MYCBP2: variants seen among roughly 807,000 people sequenced by gnomAD.
The protein encoded by MYCBP2 is MYC binding protein 2.
Under a neutral mutation model 525.3 loss-of-function variants are expected in MYCBP2, and 120 were observed. That is an observed-to-expected ratio of 0.23 (90% CI 0.20 to 0.27). The LOEUF (loss-of-function observed/expected upper bound fraction) is 0.27, where lower values mean the gene tolerates loss of function less well. Ranked by LOEUF, MYCBP2 falls within the 10% of genes least tolerant of loss-of-function variation. The pLI, the probability that MYCBP2 is intolerant of heterozygous loss-of-function variation, is 1.00. For synonymous variants in MYCBP2, 1,894 were observed against 1,955.8 expected (o/e 0.97, Z 0.83); for missense variants, 4,149 against 5,657.1 (o/e 0.73, Z 8.55).
intron 52 of MYCBP2, among the ~76,000 whole-genome samples, chr13:77,129,977 ATGTTT>A (rs2052460190): frequency 6.6e-6 from 1 of 151,914 alleles, no homozygotes; most frequent in African/African-American, 2.4e-5. Flanking sequence ...AAGTCTAAAA[ATGTTT>A]TGTTAAGGAA....
intron 58 of MYCBP2, among the ~76,000 whole-genome samples, chr13:77,093,604 C>T (rs1280862951): frequency 6.6e-6 from 1 of 152,068 alleles, no homozygotes; most frequent in Non-Finnish European, 1.5e-5. Context: ...GTGAATAAGC[C>T]CACCAACCAT....
At chr13:77,174,899 C>CTATATATATAAAATATATATTA (rs2059467069) in intron 36 of MYCBP2, among the ~76,000 whole-genome samples, 1 of 964 alleles carries the variant, frequency 1.0e-3, no homozygotes, top group African/African-American at 2.9e-3. Flanking sequence ...ATTAGCCATA[C>CTATATATATAAAATATATATTA]TATATATATA....
Position 77,051,875 on chromosome 13 carries a change from C to T in MYCBP2, c.13691G>A (p.Arg4564Gln), listed in dbSNP as rs542069034. 3.1e-6 allele frequency: 5 copies of T among 1,614,026 alleles called. No homozygotes were observed. The East Asian group carries it at 6.7e-5, about 22-fold the overall frequency. Reference protein sequence around the residue: ...GEARCDAEAGRGDDYDPRELI... With the variant: ...GEARCDAEAGQGDDYDPRELI... ...CTCTCTGGGATCATAATCATCTCCCCGTCCAGCCTCAGCATCGCAGCGAGC... is the reference window on the plus strand; with the variant it reads ...CTCTCTGGGATCATAATCATCTCCCTGTCCAGCCTCAGCATCGCAGCGAGC... The change falls in exon 81 of 83, where the codon CGG becomes CAG. Residue 4564 changes from arginine to glutamine, a missense_variant. Transcript: ENST00000544440.
chr13:77,061,380 A>G, intron 75 of MYCBP2, 79 bp from the exon 76 acceptor site: 1 of 1,219,696 alleles, frequency 8.2e-7, no homozygotes, highest in Non-Finnish European at 1.1e-6. Flanking sequence ...TAATTATTCA[A>G]TAATAATAAT....
At chr13:77,211,889 A>G in intron 22 of MYCBP2, 67 bp downstream of exon 22, 2 of 1,264,770 alleles carry the variant, frequency 1.6e-6, no homozygotes. Flanking sequence ...TTAAAGGGAA[A>G]GATAAACCAT....
chr13:77,064,339 C>T (rs991676858), intron 73 of MYCBP2, among the ~76,000 whole-genome samples: 1 of 152,158 alleles, frequency 6.6e-6, no homozygotes, highest in Non-Finnish European at 1.5e-5. Flanking sequence ...AAAGACAACA[C>T]GCAAACAATG....
intron 71 of MYCBP2, among the ~76,000 whole-genome samples, chr13:77,066,320 G>C (rs1266552657): frequency 6.6e-6 from 1 of 152,164 alleles, no homozygotes; most frequent in African/African-American, 2.4e-5. Context: ...ATTTCTGTGT[G>C]CATCTTTTAG....
At chr13:77,195,057 A>G (rs908628697) in intron 26 of MYCBP2, among the ~76,000 whole-genome samples, 1 of 151,866 alleles carries the variant, frequency 6.6e-6, no homozygotes, top group African/African-American at 2.4e-5. Context: ...TTTCCTCTGG[A>G]TAATTATGGA....
At chr13:77,176,438 C>T in intron 36 of MYCBP2, 59 bp downstream of exon 36, 1 of 1,416,340 alleles carries the variant, frequency 7.1e-7, no homozygotes, top group East Asian at 2.4e-5. Flanking sequence ...ATACTCTTCA[C>T]TATTTTAACT....
Position 77,146,956 on chromosome 13 carries a change from T to G in MYCBP2, c.7132-739A>C, listed in dbSNP as rs140160000. On this transcript the variant is annotated intron_variant, in intron 47 of 82. Coordinates refer to ENST00000544440, the MANE Select transcript of MYCBP2 (RefSeq NM_015057.5). ...AGGAGACAAATACAGAATGTTTATT[T>G]CAGTACAGTTTATAATAAGCGTCCA... 6.2e-3 allele frequency among the ~76,000 whole-genome samples: 945 copies of G among 152,234 alleles called. 11 individuals carry two copies. The highest frequency in any genetic ancestry group is 0.021 in the African/African-American group (866 of 41,544).
intron 1 of MYCBP2, among the ~76,000 whole-genome samples, chr13:77,313,720 A>C (rs2080553901): frequency 6.6e-6 from 1 of 152,088 alleles, no homozygotes; most frequent in South Asian, 2.1e-4. Context: ...ACATCTGATA[A>C]AGGACTGTTA....
intron 27 of MYCBP2, among the ~76,000 whole-genome samples, chr13:77,192,260 C>T (rs1425268162): frequency 6.6e-6 from 1 of 152,200 alleles, no homozygotes; most frequent in Non-Finnish European, 1.5e-5. Context: ...GCTAGCAGGG[C>T]AACGCAGGGC....
chr13:77,201,582 G>C (rs1032906880), intron 26 of MYCBP2, among the ~76,000 whole-genome samples: 1 of 151,174 alleles, frequency 6.6e-6, no homozygotes, highest in African/African-American at 2.4e-5. Flanking sequence ...CAAATCAACA[G>C]AATATACATT....
chr13:77,284,408 T>C (rs1265533015), intron 3 of MYCBP2, among the ~76,000 whole-genome samples: 1 of 152,064 alleles, frequency 6.6e-6, no homozygotes, highest in African/African-American at 2.4e-5. Context: ...TGCCAACATT[T>C]CCCACTTGCC....
intron 33 of MYCBP2, 116 bp from the exon 34 acceptor site, chr13:77,180,434 A>G (rs2060110937): frequency 2.4e-6 from 2 of 835,652 alleles, no homozygotes; most frequent in Non-Finnish European, 3.7e-6. Context: ...ATCAGGGTCA[A>G]TTTCTACAAA....
At chr13:77,128,785 T>A (rs997020264) in intron 52 of MYCBP2, among the ~76,000 whole-genome samples, 2 of 151,838 alleles carry the variant, frequency 1.3e-5, no homozygotes, top group Non-Finnish European at 2.9e-5. Flanking sequence ...TCCATTCCCA[T>A]CCCATTCTCA....
At chr13:77,125,250 C>T in intron 54 of MYCBP2, 86 bp downstream of exon 54, 1 of 1,493,036 alleles carries the variant, frequency 6.7e-7, no homozygotes, top group Non-Finnish European at 9.0e-7. Flanking sequence ...ACAAAAAACT[C>T]TTTAAAACAA....
chr13:77,258,803 T>G (rs756794954), intron 13 of MYCBP2, among the ~76,000 whole-genome samples: 41 of 152,220 alleles, frequency 2.7e-4, no homozygotes, highest in Non-Finnish European at 5.4e-4. Flanking sequence ...TAAGCATTTC[T>G]TAAGTTCTAC....
chr13:77,218,018 A>G lies in MYCBP2; in HGVS notation c.2940-61T>C, dbSNP rs1045933885. On this transcript the variant is annotated intron_variant, in intron 20 of 82. Transcript: ENST00000544440. ...ACAAAACTCAACTAAAATAAAAACA[A>G]TAAGTAAGCAATGCAACAAGGAGTA... 2.2e-5 allele frequency: 25 copies of G among 1,151,054 alleles called. No homozygotes were observed. The South Asian group carries it at 2.7e-4, about 13-fold the overall frequency. The allele number at this position is 1,151,054 out of a possible 1,614,324, so 71.3% of individuals were successfully genotyped here.
Sources: gnomAD v4.1 joint callset for allele counts (sites outside exome capture counted in the v4.1 genomes callset) on GRCh38, gnomAD v4.1.1 for gene constraint, MANE v1.5 for transcripts, NCBI Gene and HGNC (gene_info 2026-07-23, HGNC 2026-07-21) for gene names.